Variants in MTA3 observed in about 807,000 individuals in gnomAD.
The protein encoded by MTA3 is metastasis-associated protein MTA3.
A neutral mutation model predicts 83.5 loss-of-function variants in MTA3; 34 were observed. That is an observed-to-expected ratio of 0.41 (90% CI 0.31 to 0.54). The LOEUF is 0.54. Among genes scored for constraint, MTA3 ranks in the 20% least tolerant of loss-of-function variants. MTA3 has a pLI of 0.33. For missense variants in MTA3, 761 were observed against 726.4 expected, an observed-to-expected ratio of 1.05 and a Z score of -0.55; for synonymous variants, 303 against 252.7, an observed-to-expected ratio of 1.20 and a Z score of -1.89.
In MTA3 at chr2:42,715,716, G is replaced by T. The variant is rs373435072; in HGVS notation, c.1526-3272G>T. ...ATAGTTTAAAATGAAGTATCTTTGG[G>T]TATTGTGTTGGTGACCTCTTTGATG... is the stretch of plus-strand genomic sequence containing the variant. On this transcript the variant is annotated intron_variant, in intron 14 of 16. Transcript: ENST00000405094. 5.9e-5 allele frequency among the ~76,000 whole-genome samples: 9 copies of T among 152,176 alleles called. 1 individual carries two copies. The South Asian group carries it at 1.7e-3, about 28-fold the overall frequency.
chr2:42,629,883 A>G (rs1025787222), intron 4 of MTA3, among the ~76,000 whole-genome samples: 3 of 152,032 alleles, frequency 2.0e-5, no homozygotes, highest in South Asian at 2.1e-4. Context: ...GGTTCAAGCA[A>G]TTCTTGTGCC....
chr2:42,518,848 C>A (rs1675279174), intron 2 of MTA3, among the ~76,000 whole-genome samples: 2 of 151,866 alleles, frequency 1.3e-5, no homozygotes, highest in Admixed American at 6.6e-5. Flanking sequence ...AGCCTGTCGC[C>A]CCAGCTACTT....
At chr2:42,665,463 A>G (rs1690154296) in intron 8 of MTA3, among the ~76,000 whole-genome samples, 1 of 152,216 alleles carries the variant, frequency 6.6e-6, no homozygotes, top group African/African-American at 2.4e-5. Context: ...CCCCATGGGA[A>G]CAAAATTCCT....
At chr2:42,621,163 T>C (rs1685496802) in intron 4 of MTA3, among the ~76,000 whole-genome samples, 1 of 150,432 alleles carries the variant, frequency 6.6e-6, no homozygotes, top group Non-Finnish European at 1.5e-5. Context: ...TGATCATTCT[T>C]GGGTGTTTCT....
At chr2:42,677,169 T>C (rs961559205) in intron 8 of MTA3, among the ~76,000 whole-genome samples, 1 of 152,174 alleles carries the variant, frequency 6.6e-6, no homozygotes, top group African/African-American at 2.4e-5. Flanking sequence ...GATATGTGAC[T>C]GTGCTTCATA....
intron 4 of MTA3, among the ~76,000 whole-genome samples, chr2:42,623,923 C>G (rs1425625953): frequency 6.6e-6 from 1 of 152,034 alleles, no homozygotes; most frequent in Non-Finnish European, 1.5e-5. Context: ...AACTCCTGAC[C>G]TTAGGTGTGA....
intron 2 of MTA3, among the ~76,000 whole-genome samples, chr2:42,549,536 A>G (rs1339866551): frequency 9.0e-6 from 1 of 110,634 alleles, no homozygotes; most frequent in African/African-American, 3.8e-5. Flanking sequence ...TATAATATAC[A>G]TATATTACAT....
chr2:42,719,207 T>A, intron 15 of MTA3, 133 bp downstream of exon 15: 1 of 612,036 alleles, frequency 1.6e-6, no homozygotes, highest in East Asian at 2.8e-5. Context: ...CTTTATATAG[T>A]CAGTTTATTT....
intron 2 of MTA3, among the ~76,000 whole-genome samples, chr2:42,543,517 C>G (rs1676615711): frequency 6.6e-6 from 1 of 152,084 alleles, no homozygotes; most frequent in Non-Finnish European, 1.5e-5. Flanking sequence ...CGGGGTCTCA[C>G]TGTGTCACCC....
chr2:42,519,615 A>G (rs559310920), intron 2 of MTA3, among the ~76,000 whole-genome samples: 6 of 151,738 alleles, frequency 4.0e-5, no homozygotes, highest in African/African-American at 1.2e-4. Flanking sequence ...CAAAAAAAAA[A>G]AAACAAGGAA....
chr2:42,756,280 C>A lies in MTA3; in HGVS notation c.*2881C>A. ...AGCCTCGAGAAGCCATGATTCTTGT[C>A]AGAAACATTTCCCCAGGCAGAGAGA... On this transcript the variant is annotated 3_prime_UTR_variant, in exon 17 of 17. Coordinates refer to ENST00000405094, the MANE Select transcript of MTA3 (RefSeq NM_001330442.2). 4.7e-6 allele frequency: 1 copy of A among 211,844 alleles called. No individual in the cohort carries two copies. The highest frequency in any genetic ancestry group is 8.2e-6 in the Non-Finnish European group (1 of 122,562). The allele number at this position is 211,844 out of a possible 1,614,324, so 13.1% of individuals were successfully genotyped here. A position where few individuals can be genotyped will look rare whatever the true frequency, so the allele number is the denominator to read the frequency against.
rs952617405 is a variant in MTA3 at position 42,755,745 on chromosome 2, C to A, written c.*2346C>A. 1.3e-5 allele frequency: 13 copies of A among 985,578 alleles called. No individual in the cohort carries two copies. The African/African-American group carries it at 2.1e-4, about 16-fold the overall frequency. 61.1% of individuals were successfully genotyped at this position (985,578 alleles called of 1,614,324 possible). ...CTCCCTTTCTGGGGCCATGGTGTCC[C>A]TGCTGTGTGTCAGTGGCATGTCACT... On this transcript the variant is annotated 3_prime_UTR_variant, in exon 17 of 17. Transcript: ENST00000405094.
chr2:42,635,681 TA>T (rs1279356796), intron 4 of MTA3, among the ~76,000 whole-genome samples: 1 of 151,992 alleles, frequency 6.6e-6, no homozygotes, highest in Non-Finnish European at 1.5e-5. Context: ...GTAAAGTCAA[TA>T]AAAAAATGTC....
At chr2:42,586,477 A>G (rs1379540356) in intron 3 of MTA3, among the ~76,000 whole-genome samples, 1 of 72,698 alleles carries the variant, frequency 1.4e-5, no homozygotes, top group African/African-American at 6.0e-5. Flanking sequence ...AAGGAAGGAA[A>G]ACACACACAC....
intron 10 of MTA3, among the ~76,000 whole-genome samples, chr2:42,696,688 T>C (rs189930721): frequency 3.3e-4 from 51 of 152,280 alleles, no homozygotes; most frequent in African/African-American, 1.2e-3. Context: ...GGAGGATTGC[T>C]CAGCCCAGGA....
intron 2 of MTA3, among the ~76,000 whole-genome samples, chr2:42,495,806 G>A (rs1189419352): frequency 6.6e-6 from 1 of 152,138 alleles, no homozygotes. Flanking sequence ...CTAAGGAGAA[G>A]GTCATTTCGC....
At chr2:42,697,931 T>A in intron 11 of MTA3, 97 bp downstream of exon 11, 1 of 804,490 alleles carries the variant, frequency 1.2e-6, no homozygotes, top group East Asian at 2.9e-5. Context: ...TTTGAACTTT[T>A]GTGTATCTTT....
At chr2:42,628,475 A>C (rs1686343837) in intron 4 of MTA3, among the ~76,000 whole-genome samples, 1 of 151,770 alleles carries the variant, frequency 6.6e-6, no homozygotes, top group African/African-American at 2.4e-5. Context: ...TTCAGGTAAT[A>C]CGCCTGCCTC....
intron 5 of MTA3, 76 bp downstream of exon 5, chr2:42,640,312 T>C: frequency 9.4e-7 from 1 of 1,060,298 alleles, no homozygotes; most frequent in Non-Finnish European, 1.4e-6. Context: ...AATTTATTTC[T>C]TTTTGTACAA....
Sources: allele counts gnomAD v4.1 joint callset (sites outside exome capture counted in the v4.1 genomes callset), GRCh38; gene constraint gnomAD v4.1.1; transcripts MANE v1.5; gene names NCBI Gene and HGNC (gene_info 2026-07-23, HGNC 2026-07-21).